The following MACROD2 variants were observed in gnomAD, a reference collection of about 807,000 sequenced individuals.
MACROD2 encodes the protein ADP-ribose glycohydrolase MACROD2.
A neutral mutation model predicts 70.4 loss-of-function variants in MACROD2; 36 were observed. That is an observed-to-expected ratio of 0.51 (90% CI 0.39 to 0.68). The LOEUF (loss-of-function observed/expected upper bound fraction) is 0.68, where lower values mean the gene tolerates loss of function less well. Among genes scored for constraint, MACROD2 ranks in the 30% least tolerant of loss-of-function variants. MACROD2 has a pLI of 0.00. For synonymous variants in MACROD2, 172 were observed against 178.8 expected, an observed-to-expected ratio of 0.96 and a Z score of 0.30; for missense variants, 496 against 538.4, an observed-to-expected ratio of 0.92 and a Z score of 0.78.
chr20:14,637,771 A>T (rs1984860253), intron 4 of MACROD2, among the ~76,000 whole-genome samples: 1 of 152,032 alleles, frequency 6.6e-6, no homozygotes, highest in Non-Finnish European at 1.5e-5. Flanking sequence ...TTTTTTTTCC[A>T]AATTTTTTCT....
At chr20:14,745,914 A>T (rs2071793809) in intron 5 of MACROD2, among the ~76,000 whole-genome samples, 1 of 152,120 alleles carries the variant, frequency 6.6e-6, no homozygotes, top group Admixed American at 6.6e-5. Context: ...AAGAATATGG[A>T]TGCAGTCCCT....
intron 13 of MACROD2, among the ~76,000 whole-genome samples, chr20:15,986,301 C>T (rs2066482678): frequency 6.6e-6 from 1 of 152,162 alleles, no homozygotes; most frequent in South Asian, 2.1e-4. Flanking sequence ...TTTTTATGCT[C>T]TGTTGATGGA....
At chr20:15,640,822 C>G (rs1174115486) in intron 8 of MACROD2, among the ~76,000 whole-genome samples, 2 of 152,196 alleles carry the variant, frequency 1.3e-5, no homozygotes, top group African/African-American at 2.4e-5. Flanking sequence ...CACCAGCAAA[C>G]AGACCCGGGT....
chr20:15,678,964 C>T (rs568947214), intron 8 of MACROD2, among the ~76,000 whole-genome samples: 44 of 152,184 alleles, frequency 2.9e-4, no homozygotes, highest in Non-Finnish European at 4.7e-4. Flanking sequence ...AGGCTGGGTG[C>T]GGTGGCTCAC....
chr20:14,602,967 A>G (rs1982588409), intron 4 of MACROD2, among the ~76,000 whole-genome samples: 2 of 152,218 alleles, frequency 1.3e-5, no homozygotes, highest in African/African-American at 2.4e-5. Flanking sequence ...CCTCAGTACC[A>G]AAGAGAGACC....
intron 5 of MACROD2, among the ~76,000 whole-genome samples, chr20:15,211,710 C>T (rs567047050): frequency 1.1e-3 from 172 of 152,208 alleles, no homozygotes; most frequent in Non-Finnish European, 1.7e-3. Context: ...ATGCTGGTGT[C>T]GTGCTTCCTG....
At chr20:15,123,985 T>TA (rs1177836171) in intron 5 of MACROD2, among the ~76,000 whole-genome samples, 4 of 152,058 alleles carry the variant, frequency 2.6e-5, no homozygotes, top group African/African-American at 4.8e-5. Context: ...ATCTGAAACG[T>TA]AAAAAAAAGA....
Position 15,787,066 on chromosome 20 carries a change from G to A in MACROD2, c.646-75679G>A, listed in dbSNP as rs2051941775. ...CGGCTCACTGCAACCTCTGCCTCCT[G>A]GTTCAAACGATTCTCCTGCCTCAGC... On this transcript the variant is annotated intron_variant, in intron 8 of 17. Coordinates refer to ENST00000684519, the MANE Select transcript of MACROD2 (RefSeq NM_001351661.2). 2.0e-5 allele frequency among the ~76,000 whole-genome samples: 3 copies of A among 151,582 alleles called. 1 individual carries two copies. The South Asian group carries it at 6.3e-4, about 32-fold the overall frequency.
At chr20:14,648,646 C>G (rs1169772521) in intron 4 of MACROD2, among the ~76,000 whole-genome samples, 1 of 144,470 alleles carries the variant, frequency 6.9e-6, no homozygotes, top group Non-Finnish European at 1.5e-5. Context: ...ATCTATCTAT[C>G]TCACATACTC....
intron 3 of MACROD2, among the ~76,000 whole-genome samples, chr20:14,304,345 G>A (rs1174485987): frequency 8.5e-5 from 13 of 152,090 alleles, no homozygotes. Context: ...ACTTTCCCAG[G>A]TTCAGGTAGT....
chr20:15,468,784 C>T (rs2046928201), intron 7 of MACROD2, among the ~76,000 whole-genome samples: 1 of 152,202 alleles, frequency 6.6e-6, no homozygotes, highest in African/African-American at 2.4e-5. Flanking sequence ...TCCTCCCTGT[C>T]AGCAATCTCA....
At chr20:14,402,608 T>C (rs976711552) in intron 3 of MACROD2, among the ~76,000 whole-genome samples, 66 of 152,230 alleles carry the variant, frequency 4.3e-4, no homozygotes, top group African/African-American at 1.5e-3. Flanking sequence ...TGATAGTTTA[T>C]AGAAAATGTG....
intron 8 of MACROD2, among the ~76,000 whole-genome samples, chr20:15,648,733 G>A (rs1205213924): frequency 1.3e-5 from 2 of 152,044 alleles, no homozygotes; most frequent in Admixed American, 1.3e-4. Flanking sequence ...ATGGATGGAT[G>A]GATGGATGGA....
chr20:15,579,785 C>T (rs958653267), intron 8 of MACROD2, among the ~76,000 whole-genome samples: 7 of 152,164 alleles, frequency 4.6e-5, no homozygotes, highest in African/African-American at 1.2e-4. Flanking sequence ...GGGTCATAAT[C>T]GGTATTTCCT....
intron 8 of MACROD2, among the ~76,000 whole-genome samples, chr20:15,859,951 C>T (rs868044832): frequency 7.9e-5 from 12 of 152,120 alleles, no homozygotes; most frequent in Admixed American, 2.6e-4. Context: ...CTGGCTAACA[C>T]GGTGAAACCC....
At chr20:14,150,891 G>A (rs1392941725) in intron 3 of MACROD2, among the ~76,000 whole-genome samples, 1 of 152,156 alleles carries the variant, frequency 6.6e-6, no homozygotes, top group Non-Finnish European at 1.5e-5. Context: ...GAGCAGGCAA[G>A]GATTGGGGGT....
At chr20:16,037,878 T>C (rs1191038412) in intron 15 of MACROD2, among the ~76,000 whole-genome samples, 2 of 151,962 alleles carry the variant, frequency 1.3e-5, no homozygotes, top group African/African-American at 4.8e-5. Context: ...TTGTCCTGTG[T>C]AAGAAATTTT....
At chr20:15,150,022 C>T (rs938963324) in intron 5 of MACROD2, among the ~76,000 whole-genome samples, 1 of 148,846 alleles carries the variant, frequency 6.7e-6, no homozygotes, top group Admixed American at 6.7e-5. Flanking sequence ...TCCAACCATG[C>T]CCAGGAAGGA....
At chr20:14,021,855 C>T (rs925411009) in intron 2 of MACROD2, among the ~76,000 whole-genome samples, 20 of 152,202 alleles carry the variant, frequency 1.3e-4, no homozygotes, top group African/African-American at 4.6e-4. Flanking sequence ...CATTCTGCTT[C>T]ACGTAGTCTT....
Sources: gnomAD v4.1 joint callset for allele counts (sites outside exome capture counted in the v4.1 genomes callset) on GRCh38, gnomAD v4.1.1 for gene constraint, MANE v1.5 for transcripts, NCBI Gene and HGNC (gene_info 2026-07-23, HGNC 2026-07-21) for gene names.